The following STK33 variants were observed in gnomAD, a reference collection of about 807,000 sequenced individuals.
STK33 encodes the protein serine/threonine kinase 33, also known as serine/threonine-protein kinase 33.
In STK33, 52 loss-of-function variants were observed where a neutral mutation model predicts 58.0. The ratio of observed to expected loss-of-function variants is 0.90; its 90% CI spans 0.72 to 1.13. The LOEUF is 1.13. Ranked by LOEUF, STK33 falls within the 50% of genes most tolerant of loss-of-function variation. The probability of loss-of-function intolerance (pLI) is 0.00; values close to 1 mark genes in which losing one functional copy is unlikely to be tolerated. For synonymous variants in STK33, 215 were observed against 200.1 expected, an observed-to-expected ratio of 1.07 and a Z score of -0.63; for missense variants, 630 against 604.2, an observed-to-expected ratio of 1.04 and a Z score of -0.45.
chr11:8,497,987 A>T (rs907616063), intron 1 of STK33, among the ~76,000 whole-genome samples: 1 of 152,208 alleles, frequency 6.6e-6, no homozygotes, highest in Non-Finnish European at 1.5e-5. Flanking sequence ...AACTGAATTC[A>T]GCAGCATATA....
At position 8,415,471 on chromosome 11, in the gene STK33, T is replaced by C. The variant is rs143935602; in HGVS notation, c.1147-1779A>G. ...TTAAGAGATAGTATGCAATTCATCA[T>C]GTTTCCAATTCCTGAACTGGTAATT... On this transcript the variant is annotated intron_variant, in intron 14 of 15. Coordinates refer to ENST00000687296, the MANE Select transcript of STK33 (RefSeq NM_001352389.2). Among the ~76,000 whole-genome samples, 1,066 of 152,288 alleles carry C rather than the reference T, an allele frequency of 7.0e-3. 8 individuals are homozygous for C. The highest frequency in any genetic ancestry group is 0.012 in the Non-Finnish European group (833 of 68,020).
chr11:8,413,436 T>A (rs1185423543), intron 15 of STK33, 59 bp downstream of exon 15: 1 of 1,575,922 alleles, frequency 6.3e-7, no homozygotes, highest in Non-Finnish European at 8.7e-7. Flanking sequence ...AAAAAAAATG[T>A]TCCAGGTGTG....
chr11:8,502,075 T>C (rs1951555488), intron 1 of STK33, among the ~76,000 whole-genome samples: 1 of 103,564 alleles, frequency 9.7e-6, no homozygotes, highest in Admixed American at 9.4e-5. Flanking sequence ...GATGAAAATG[T>C]TCTCAATTAC....
chr11:8,569,567 GA>G (rs1238776275), intron 1 of STK33, among the ~76,000 whole-genome samples: 1 of 152,184 alleles, frequency 6.6e-6, no homozygotes, highest in Non-Finnish European at 1.5e-5. Flanking sequence ...AGATTTCTTA[GA>G]AAGAACACAG....
chr11:8,525,401 G>A (rs1197705518), intron 1 of STK33, among the ~76,000 whole-genome samples: 1 of 152,160 alleles, frequency 6.6e-6, no homozygotes, highest in African/African-American at 2.4e-5. Context: ...TTTAAGAACA[G>A]CCAAACAGAT....
the STK33 span, among the ~76,000 whole-genome samples, chr11:8,336,839 G>A: frequency 6.6e-6 from 1 of 152,248 alleles, no homozygotes; most frequent in Non-Finnish European, 1.5e-5. Context: ...CGGGCTGCAA[G>A]GCCAGTGCTC....
intron 12 of STK33, among the ~76,000 whole-genome samples, chr11:8,440,444 G>T (rs1397955436): frequency 6.6e-6 from 1 of 152,082 alleles, no homozygotes; most frequent in African/African-American, 2.4e-5. Context: ...TCATATTGTT[G>T]TATTTATAGA....
At chr11:8,550,598 C>T (rs1565339875) in intron 1 of STK33, among the ~76,000 whole-genome samples, 1 of 152,234 alleles carries the variant, frequency 6.6e-6, no homozygotes, top group Non-Finnish European at 1.5e-5. Flanking sequence ...TAAATCATCT[C>T]TCTCAAGTTC....
chr11:8,435,995 G>T, intron 13 of STK33, 32 bp downstream of exon 13: 1 of 1,289,278 alleles, frequency 7.8e-7, no homozygotes, highest in Non-Finnish European at 1.1e-6. Context: ...ACTTATATTA[G>T]CTTTAGTAAA....
the STK33 span, among the ~76,000 whole-genome samples, chr11:8,356,613 A>G: frequency 1.3e-5 from 2 of 152,166 alleles, no homozygotes; most frequent in Admixed American, 1.3e-4. Flanking sequence ...AGCAGTTCCT[A>G]TAAAGGATCA....
intron 15 of STK33, among the ~76,000 whole-genome samples, chr11:8,402,702 C>T (rs1028021152): frequency 1.3e-5 from 2 of 152,200 alleles, no homozygotes; most frequent in East Asian, 1.9e-4. Flanking sequence ...TGCTGAATGG[C>T]CACCATGGTG....
chr11:8,536,964 AAAAAAAG>A (rs1426584246), intron 1 of STK33, among the ~76,000 whole-genome samples: 9 of 137,374 alleles, frequency 6.6e-5, no homozygotes, highest in Non-Finnish European at 1.2e-4. Flanking sequence ...AAAAAAAAAA[AAAAAAAG>A]ATTTTTTTTT....
At chr11:8,588,201 T>C (rs937729598) in intron 1 of STK33, among the ~76,000 whole-genome samples, 2 of 152,194 alleles carry the variant, frequency 1.3e-5, no homozygotes, top group African/African-American at 4.8e-5. Flanking sequence ...ACTGGGGATT[T>C]AGACCTCAAC....
chr11:8,352,298 G>A, the STK33 span, among the ~76,000 whole-genome samples: 1 of 152,190 alleles, frequency 6.6e-6, no homozygotes. Flanking sequence ...ACCATGGACA[G>A]AGCTCTAGGG....
At chr11:8,459,759 G>A (rs554649104) in intron 8 of STK33, among the ~76,000 whole-genome samples, 19 of 152,070 alleles carry the variant, frequency 1.2e-4, no homozygotes, top group South Asian at 2.1e-4. Context: ...TTCACAGGAC[G>A]GAGCATCAAA....
chr11:8,536,538 C>G (rs1955014533), intron 1 of STK33, among the ~76,000 whole-genome samples: 2 of 152,084 alleles, frequency 1.3e-5, no homozygotes, highest in Non-Finnish European at 2.9e-5. Context: ...GTAGGACAAC[C>G]AGAAACCATT....
At chr11:8,358,448 G>A in the STK33 span, among the ~76,000 whole-genome samples, 1 of 152,196 alleles carries the variant, frequency 6.6e-6, no homozygotes, top group African/African-American at 2.4e-5. Flanking sequence ...CCAAGGGCAG[G>A]GGCTGAGGTC....
intron 1 of STK33, among the ~76,000 whole-genome samples, chr11:8,526,929 G>T (rs1357040185): frequency 7.0e-6 from 1 of 142,276 alleles, no homozygotes; most frequent in African/African-American, 2.6e-5. Context: ...ATGGAAAAAA[G>T]AAAACAGGTA....
Position 8,469,355 on chromosome 11 carries a change from C to T in STK33, c.339+3808G>A, listed in dbSNP as rs190074959. On this transcript the variant is annotated intron_variant, in intron 6 of 15. Coordinates refer to ENST00000687296, the MANE Select transcript of STK33 (RefSeq NM_001352389.2). ...ATTTCAAGAAATCACTTTCTTTGCT[C>T]ATCCATAAGAAGCAATTCTTCACTC... Among the ~76,000 whole-genome samples, 6 of 152,362 alleles carry T rather than the reference C, an allele frequency of 3.9e-5. No homozygotes were observed. In the East Asian group the frequency reaches 1.2e-3, roughly 29 times the overall value.
Sources: gnomAD v4.1 joint callset for allele counts (sites outside exome capture counted in the v4.1 genomes callset) on GRCh38, gnomAD v4.1.1 for gene constraint, MANE v1.5 for transcripts, NCBI Gene and HGNC (gene_info 2026-07-23, HGNC 2026-07-21) for gene names.